Variants in TRPV2 observed in about 807,000 individuals in gnomAD.
TRPV2 encodes transient receptor potential cation channel subfamily V member 2, also known as OTRPC2.
A neutral mutation model predicts 91.0 loss-of-function variants in TRPV2; 58 were observed. The ratio of observed to expected loss-of-function variants is 0.64; its 90% CI spans 0.52 to 0.79. The LOEUF (loss-of-function observed/expected upper bound fraction) is 0.79, where lower values mean the gene tolerates loss of function less well. TRPV2 is among the 30% of genes least tolerant of loss of function. The pLI is 0.00. For synonymous variants in TRPV2, 417 were observed against 414.8 expected, an observed-to-expected ratio of 1.01 and a Z score of -0.06; for missense variants, 807 against 969.6, an observed-to-expected ratio of 0.83 and a Z score of 2.23.
At position 16,426,943 on chromosome 17, in the gene TRPV2, G is replaced by T. The variant is rs906269235; in HGVS notation, c.1251+66G>T. On this transcript the variant is annotated intron_variant, in intron 7 of 14. Transcript: ENST00000338560. The surrounding 1 kb of genome is among the most constrained non-coding windows in gnomAD (Gnocchi z 6.0). ...CCTGCTTGAAACAACCCTGGGGGAA[G>T]ATGGGGCAGTAATAGTGCTGAGGCA... 1.3e-6 allele frequency: 2 copies of T among 1,558,836 alleles called. No individual in the cohort carries two copies. The highest frequency in any genetic ancestry group is 2.7e-5 in the African/African-American group (2 of 73,964).
At position 16,426,611 on chromosome 17, in the gene TRPV2, C is replaced by T; in HGVS notation, c.1096-111C>T. The T allele has an allele frequency of 7.6e-7, 1 of 1,323,600 alleles. No homozygotes were observed. Among genetic ancestry groups the T allele is most frequent in the South Asian group, 1.4e-5 (1 of 69,452 alleles). The allele number at this position is 1,323,600 out of a possible 1,614,324, so 82.0% of individuals were successfully genotyped here. Reference sequence around the variant, plus strand: ...GGGGCTCCTGGGGTGTGGAAGCCTGCTCCCTGTCCTCTCTCCTCATTTCCT... The same window carrying T: ...GGGGCTCCTGGGGTGTGGAAGCCTGTTCCCTGTCCTCTCTCCTCATTTCCT... On this transcript the variant is annotated intron_variant, in intron 6 of 14. Coordinates refer to ENST00000338560, the MANE Select transcript of TRPV2 (RefSeq NM_016113.5). The surrounding 1 kb of genome is among the most constrained non-coding windows in gnomAD (Gnocchi z 6.0).
chr17:16,425,600 T>C (rs1349919282), intron 5 of TRPV2, among the ~76,000 whole-genome samples: 1 of 152,202 alleles, frequency 6.6e-6, no homozygotes, highest in Non-Finnish European at 1.5e-5. Flanking sequence ...AACCTCACTT[T>C]CTTGTCTAGA....
intron 8 of TRPV2, 48 bp from the exon 9 acceptor site, chr17:16,428,269 A>C (rs188480611): frequency 1.6e-4 from 259 of 1,585,800 alleles, no homozygotes; most frequent in Middle Eastern, 3.3e-4. Context: ...AGCAGGGGGC[A>C]TGCGGGAGAG....
rs762254658 is a variant in TRPV2 at position 16,433,703 on chromosome 17, G to A, written c.2114+5G>A. The A allele has an allele frequency of 6.2e-7, 1 of 1,613,428 alleles. No homozygotes were observed. The highest frequency in any genetic ancestry group is 1.1e-5 in the South Asian group (1 of 91,040). ...CGATGAGCGCTGGTGCTTCAGGTGA[G>A]TGAGTGGTGGGAGGGTCTCCTGGGG... is the stretch of plus-strand genomic sequence containing the variant. On this transcript the variant is annotated splice_donor_5th_base_variant and intron_variant, in intron 13 of 14. Coordinates refer to ENST00000338560, the MANE Select transcript of TRPV2 (RefSeq NM_016113.5).
intron 13 of TRPV2, chr17:16,434,655 G>A (rs1230431024): frequency 2.1e-6 from 1 of 485,052 alleles, no homozygotes; most frequent in Non-Finnish European, 3.6e-6. Flanking sequence ...AGGCTGCTGT[G>A]AACAGCCAGA....
Position 16,420,472 on chromosome 17 carries a change from T to C in TRPV2, c.334+224T>C, listed in dbSNP as rs75080803. Among the ~76,000 whole-genome samples, 972 of 152,310 alleles carry C rather than the reference T, an allele frequency of 6.4e-3. 5 individuals carry two copies. The highest frequency in any genetic ancestry group is 0.022 in the African/African-American group (899 of 41,568). ...CCACCCACCCCTCAGGCCTCCTGGC[T>C]ACCTCTGTCACCCCTAGCCCATTGC... On this transcript the variant is annotated intron_variant, in intron 3 of 14. Transcript: ENST00000338560.
intron 13 of TRPV2, among the ~76,000 whole-genome samples, chr17:16,434,416 T>C (rs993815400): frequency 6.4e-5 from 9 of 140,828 alleles, no homozygotes; most frequent in African/African-American, 2.4e-4. Context: ...TGCAGTGAGC[T>C]GAGATCGCAC....
intron 3 of TRPV2, among the ~76,000 whole-genome samples, chr17:16,421,307 C>T (rs2093355409): frequency 6.6e-6 from 1 of 151,874 alleles, no homozygotes; most frequent in African/African-American, 2.4e-5. Flanking sequence ...ACCTCCCGGG[C>T]TCATGCCATT....
intron 10 of TRPV2, 53 bp downstream of exon 10, chr17:16,429,035 G>C: frequency 6.3e-7 from 1 of 1,592,302 alleles, no homozygotes; most frequent in Admixed American, 1.7e-5. Flanking sequence ...CAGGCAAGAA[G>C]AGCCTTCCTC....
Position 16,417,570 on chromosome 17 carries a change from C to A in TRPV2, c.-99C>A. 7.5e-7 allele frequency: 1 copy of A among 1,327,310 alleles called. No homozygotes were observed. 82.2% of individuals were successfully genotyped at this position (1,327,310 alleles called of 1,614,324 possible). On this transcript the variant is annotated 5_prime_UTR_variant, in exon 2 of 15. Transcript: ENST00000338560. ...AATACCTCCTTTTGCAGGCTCCAGT[C>A]AGGCCAACACCGACGCGCAGCTGGG...
chr17:16,434,843 G>A, intron 13 of TRPV2, 47 bp from the exon 14 acceptor site: 9 of 1,587,866 alleles, frequency 5.7e-6, no homozygotes, highest in Non-Finnish European at 7.7e-6. Flanking sequence ...GGTGGGAGGG[G>A]AGGCGGTCAA....
In TRPV2 at chr17:16,425,750, C is replaced by T. The variant is rs183031406; in HGVS notation, c.925-349C>T. Among the ~76,000 whole-genome samples, 690 of 152,166 alleles carry T rather than the reference C, an allele frequency of 4.5e-3. 4 individuals are homozygous for T. Among genetic ancestry groups the T allele is most frequent in the African/African-American group, 0.016 (665 of 41,512 alleles). The stretch of plus-strand genomic sequence containing the variant: ...TCTGTTGAAAATTCTAGATTCTGAC[C>T]GCGAAAGTGCACACACAGATACAGC... On this transcript the variant is annotated intron_variant, in intron 5 of 14. Transcript: ENST00000338560.
chr17:16,426,894 T>TG lies in TRPV2; in HGVS notation c.1251+24dup, dbSNP rs750480170. ...CTGAAGAAGGCAAGGGCGTGAGGTTTGGGGGGGCACATCTTGGGGGAGGCC... is the reference window on the plus strand; with the variant it reads ...CTGAAGAAGGCAAGGGCGTGAGGTTTGGGGGGGGCACATCTTGGGGGAGGCC... On this transcript the variant is annotated intron_variant, in intron 7 of 14. Transcript: ENST00000338560. The surrounding 1 kb of genome is among the most constrained non-coding windows in gnomAD (Gnocchi z 6.0). 38 of 1,569,680 alleles carry TG rather than the reference T, an allele frequency of 2.4e-5. No homozygotes were observed. In the East Asian group the frequency reaches 7.3e-4, roughly 30 times the overall value.
Position 16,434,903 on chromosome 17 carries a change from A to G in TRPV2, c.2128A>G (p.Asn710Asp). Residue 710 changes from asparagine to aspartate, a missense_variant, in exon 14 of 15, where the codon AAC becomes GAC. Physicochemically the swap from Asn to Asp is conservative, Grantham distance 23 (BLOSUM62 1). Transcript: ENST00000338560. ...TGTTGCCCTCAGGGTGGAGGAGGTG[A>G]ACTGGGCTTCATGGGAGCAGACGCT... is the stretch of plus-strand genomic sequence containing the variant. The part of the protein sequence containing the change: ...ERWCFRVEEV[N>D]WASWEQTLPT... 1.2e-6 allele frequency: 2 copies of G among 1,612,000 alleles called. No individual in the cohort carries two copies. Among genetic ancestry groups the G allele is most frequent in the Non-Finnish European group, 1.7e-6 (2 of 1,179,316 alleles).
Position 16,432,068 on chromosome 17 carries a change from A to G in TRPV2, c.1757A>G (p.Asn586Ser), listed in dbSNP as rs1290558429. 6.2e-7 allele frequency: 1 copy of G among 1,613,870 alleles called. No individual in the cohort carries two copies. Among genetic ancestry groups the G allele is most frequent in the Non-Finnish European group, 8.5e-7 (1 of 1,179,868 alleles). The change falls in exon 12 of 15, where the codon AAC becomes AGC. Residue 586 changes from asparagine to serine, a missense_variant. Transcript: ENST00000338560. ...QPMEGQEDEG[N>S]GAQYRGILEA... ...ATGGAGGGACAGGAGGACGAGGGCA[A>G]CGGGGCCCAGTACAGGGGTATCCTG... is the stretch of plus-strand genomic sequence containing the variant.
chr17:16,430,165 C>T (rs1466719705), intron 10 of TRPV2, among the ~76,000 whole-genome samples: 1 of 151,916 alleles, frequency 6.6e-6, no homozygotes, highest in Non-Finnish European at 1.5e-5. Context: ...GCGCCTGGCC[C>T]ATTTTAACCT....
At position 16,428,877 on chromosome 17, in the gene TRPV2, G is replaced by T. The variant is rs185814710; in HGVS notation, c.1482G>T (p.Trp494Cys). 1.4e-3 allele frequency: 2,237 copies of T among 1,614,094 alleles called. 60 individuals are homozygous for T. The Admixed American group carries it at 0.036, about 26-fold the overall frequency. ...SQVLCFLAIE[W>C]YLPLLVSALV... ...TGCTGTGTTTCCTGGCCATCGAGTG[G>T]TACCTGCCCCTGCTTGTGTCTGCGC... Residue 494 changes from tryptophan to cysteine, a missense_variant, in exon 10 of 15, where the codon TGG becomes TGT. Coordinates refer to ENST00000338560, the MANE Select transcript of TRPV2 (RefSeq NM_016113.5).
intron 9 of TRPV2, 78 bp from the exon 10 acceptor site, chr17:16,428,739 A>C (rs2093396462): frequency 6.4e-7 from 1 of 1,561,932 alleles, no homozygotes. Context: ...GGAGGTCAGG[A>C]CCTTGGTCAG....
chr17:16,433,850 C>A, intron 13 of TRPV2, 152 bp downstream of exon 13: 1 of 1,179,226 alleles, frequency 8.5e-7, no homozygotes, highest in Non-Finnish European at 1.2e-6. Context: ...CAGGTGAGGT[C>A]AGGGGTCTGG....
Sources: gnomAD v4.1 joint callset for allele counts (sites outside exome capture counted in the v4.1 genomes callset) on GRCh38, gnomAD v4.1.1 for gene constraint, Gnocchi (gnomAD v3.1) non-coding constraint, MANE v1.5 for transcripts, NCBI Gene and HGNC (gene_info 2026-07-23, HGNC 2026-07-21) for gene names.